The following PHLDB2 variants were observed in gnomAD, a reference collection of about 807,000 sequenced individuals.
PHLDB2 encodes the protein pleckstrin homology-like domain family B member 2.
A neutral mutation model predicts 123.6 loss-of-function variants in PHLDB2; 71 were observed. That is an observed-to-expected ratio of 0.57 (90% CI 0.47 to 0.70). The LOEUF (loss-of-function observed/expected upper bound fraction) is 0.70. Ranked by LOEUF, PHLDB2 falls within the 30% of genes least tolerant of loss-of-function variation. The pLI is 0.00. For synonymous variants in PHLDB2, 547 were observed against 541.6 expected, an observed-to-expected ratio of 1.01 and a Z score of -0.14; for missense variants, 1,446 against 1,519.5, an observed-to-expected ratio of 0.95 and a Z score of 0.80.
chr3:111,861,320 A>T (rs1489424139), intron 1 of PHLDB2, among the ~76,000 whole-genome samples: 1 of 152,090 alleles, frequency 6.6e-6, no homozygotes. Context: ...ATTTAAAAGG[A>T]TTTTCTTTGC....
rs189270155 is a variant in PHLDB2 at position 111,930,036 on chromosome 3, C to T, written c.2002-2233C>T. Among the ~76,000 whole-genome samples the T allele has an allele frequency of 5.6e-3, 841 of 151,494 alleles. 9 individuals are homozygous for T. Among genetic ancestry groups the T allele is most frequent in the African/African-American group, 0.019 (803 of 41,292 alleles). On this transcript the variant is annotated intron_variant, in intron 5 of 17. Transcript: ENST00000431670. ...ACGCCATTCTCCTACCTCAGCCTCCCGAGTAGCTGGGACTACAGACACCTG... is the reference window on the plus strand; with the variant it reads ...ACGCCATTCTCCTACCTCAGCCTCCTGAGTAGCTGGGACTACAGACACCTG...
intron 1 of PHLDB2, among the ~76,000 whole-genome samples, chr3:111,861,607 G>A (rs2064838519): frequency 6.6e-6 from 1 of 152,288 alleles, no homozygotes; most frequent in South Asian, 2.1e-4. Context: ...TGTTCTTTTG[G>A]TGTTGAGATC....
intron 1 of PHLDB2, among the ~76,000 whole-genome samples, chr3:111,835,465 A>G (rs1318916919): frequency 6.6e-6 from 1 of 152,180 alleles, no homozygotes; most frequent in Admixed American, 6.6e-5. Flanking sequence ...AGCTCCTTCC[A>G]GGTAGCTATA....
chr3:111,824,956 C>A (rs889304962), intron 1 of PHLDB2, among the ~76,000 whole-genome samples: 1 of 152,142 alleles, frequency 6.6e-6, no homozygotes. Flanking sequence ...CTTGTAGACC[C>A]TTTACCTTTC....
At chr3:111,734,274 T>C (rs544350371) in intron 1 of PHLDB2, among the ~76,000 whole-genome samples, 10 of 152,274 alleles carry the variant, frequency 6.6e-5, no homozygotes, top group African/African-American at 2.4e-4. Flanking sequence ...AAAAGGATCT[T>C]GGGGTGATCA....
At chr3:111,850,923 TG>T (rs1337912352) in intron 2 of PHLDB2, among the ~76,000 whole-genome samples, 1 of 152,004 alleles carries the variant, frequency 6.6e-6, no homozygotes, top group African/African-American at 2.4e-5. Context: ...TGGCCAGGCG[TG>T]GTGGCTCACG....
At chr3:111,916,933 A>G (rs2068215471) in intron 3 of PHLDB2, 1 of 152,118 alleles carries the variant, frequency 6.6e-6, no homozygotes, top group Non-Finnish European at 1.5e-5. Flanking sequence ...ATTCCTGTCC[A>G]TTACTGGAAA....
At chr3:111,750,708 G>A (rs1003899490) in intron 1 of PHLDB2, among the ~76,000 whole-genome samples, 2 of 152,186 alleles carry the variant, frequency 1.3e-5, no homozygotes, top group African/African-American at 4.8e-5. Context: ...CCCTTTGGGA[G>A]GTCAAGGCGG....
At chr3:111,787,287 A>T (rs748764674) in intron 1 of PHLDB2, among the ~76,000 whole-genome samples, 3 of 152,230 alleles carry the variant, frequency 2.0e-5, no homozygotes, top group Non-Finnish European at 2.9e-5. Flanking sequence ...CTGTTTAAAA[A>T]GTTTAATAAT....
intron 1 of PHLDB2, among the ~76,000 whole-genome samples, chr3:111,826,211 A>AG (rs1340397332): frequency 6.6e-6 from 1 of 152,104 alleles, no homozygotes; most frequent in African/African-American, 2.4e-5. Context: ...AGGGAGGCTG[A>AG]GGCAGGAGAA....
intron 1 of PHLDB2, among the ~76,000 whole-genome samples, chr3:111,778,616 A>G (rs28534728): frequency 0.27 from 40,607 of 151,898 alleles, 6,869 homozygotes; most frequent in African/African-American, 0.48. Context: ...GTACTTGACC[A>G]TAGTTTTAGT....
chr3:111,834,294 T>G (rs2063294607), intron 1 of PHLDB2, among the ~76,000 whole-genome samples: 2 of 137,080 alleles, frequency 1.5e-5, no homozygotes, highest in South Asian at 4.4e-4. Flanking sequence ...TTCTATTATA[T>G]ACATAATATA....
chr3:111,738,789 T>C (rs961871048), intron 1 of PHLDB2, among the ~76,000 whole-genome samples: 3 of 152,184 alleles, frequency 2.0e-5, no homozygotes, highest in Non-Finnish European at 4.4e-5. Flanking sequence ...AATTGATTTA[T>C]AAAAAGAAAA....
At chr3:111,769,380 A>T (rs1439803900) in intron 1 of PHLDB2, among the ~76,000 whole-genome samples, 1 of 152,186 alleles carries the variant, frequency 6.6e-6, no homozygotes, top group Non-Finnish European at 1.5e-5. Flanking sequence ...CTTGCTTGGC[A>T]GCTCTGTCAG....
At chr3:111,806,651 A>G (rs1054981876) in intron 1 of PHLDB2, among the ~76,000 whole-genome samples, 1 of 151,836 alleles carries the variant, frequency 6.6e-6, no homozygotes, top group Admixed American at 6.6e-5. Flanking sequence ...ACACCTGGCT[A>G]ATTTTTGTAT....
chr3:111,903,460 C>G (rs973199638), intron 2 of PHLDB2, among the ~76,000 whole-genome samples: 1 of 152,158 alleles, frequency 6.6e-6, no homozygotes, highest in Admixed American at 6.5e-5. Context: ...GACCACAGGG[C>G]AGGGAGTTGG....
intron 1 of PHLDB2, among the ~76,000 whole-genome samples, chr3:111,813,059 C>T (rs1398062821): frequency 2.0e-5 from 3 of 152,164 alleles, no homozygotes; most frequent in Non-Finnish European, 4.4e-5. Flanking sequence ...TAGCAGAGTG[C>T]TTTAGCACAT....
chr3:111,758,600 C>T (rs562319967), intron 1 of PHLDB2, among the ~76,000 whole-genome samples: 5 of 152,270 alleles, frequency 3.3e-5, no homozygotes, highest in East Asian at 1.9e-4. Context: ...GTGCAGTGTG[C>T]GCGCACCCAC....
intron 3 of PHLDB2, chr3:111,915,431 T>A (rs1032201403): frequency 3.3e-5 from 5 of 152,864 alleles, no homozygotes; most frequent in African/African-American, 1.2e-4. Flanking sequence ...TTCTTTTTTC[T>A]TTCTTTCTTT....
Sources: allele counts gnomAD v4.1 joint callset (sites outside exome capture counted in the v4.1 genomes callset), GRCh38; gene constraint gnomAD v4.1.1; transcripts MANE v1.5; gene names NCBI Gene and HGNC (gene_info 2026-07-23, HGNC 2026-07-21).